The following NLRP11 variants were observed in gnomAD, a reference collection of about 807,000 sequenced individuals.
NLRP11 encodes the protein NLR family pyrin domain containing 11.
NLRP11 carries 53 observed loss-of-function variants against 79.3 expected under a neutral mutation model. The ratio of observed to expected loss-of-function variants is 0.67; its 90% CI spans 0.54 to 0.84. The LOEUF (loss-of-function observed/expected upper bound fraction) is 0.84. NLRP11 is among the 40% of genes least tolerant of loss of function. The pLI is 0.00. For synonymous variants in NLRP11, 518 were observed against 462.6 expected (o/e 1.12, Z -1.54); for missense variants, 1,264 against 1,255.0 (o/e 1.01, Z -0.11).
In NLRP11 at chr19:55,785,963, T is replaced by C. The variant is rs1989855728; in HGVS notation, c.2856-92A>G. Reference sequence around the variant, plus strand: ...GACTAATTCCCCATATGGCATCCTTTGGGTATTCTTGGGAGTATCTCAAGC... The same window carrying C: ...GACTAATTCCCCATATGGCATCCTTCGGGTATTCTTGGGAGTATCTCAAGC... On this transcript the variant is annotated intron_variant, in intron 9 of 9. Transcript: ENST00000589093. The C allele has an allele frequency of 2.2e-6, 3 of 1,338,794 alleles. No homozygotes were observed. The South Asian group carries it at 4.2e-5, about 19-fold the overall frequency. 82.9% of individuals were successfully genotyped at this position (1,338,794 alleles called of 1,614,324 possible).
At chr19:55,788,443 G>A (rs1208499882) in intron 9 of NLRP11, among the ~76,000 whole-genome samples, 1 of 148,250 alleles carries the variant, frequency 6.7e-6, no homozygotes, top group African/African-American at 2.5e-5. Flanking sequence ...TCTCAACACA[G>A]AATTTTCCCC....
intron 5 of NLRP11, chr19:55,798,218 G>T: frequency 2.1e-6 from 1 of 480,542 alleles, no homozygotes; most frequent in Non-Finnish European, 2.7e-6. Context: ...AGGCTGTCTG[G>T]AACGCCTTAC....
chr19:55,798,008 T>A (rs1444856137), intron 5 of NLRP11, among the ~76,000 whole-genome samples: 2 of 151,430 alleles, frequency 1.3e-5, no homozygotes, highest in African/African-American at 4.8e-5. Context: ...TATTTTTTTT[T>A]TTTTTGAGAT....
Position 55,808,619 on chromosome 19 carries a change from G to A in NLRP11, c.1841+150C>T, listed in dbSNP as rs546077846. The A allele has an allele frequency of 1.1e-5, 8 of 731,722 alleles. No homozygotes were observed. The South Asian group carries it at 1.3e-4, about 12-fold the overall frequency. The allele number at this position is 731,722 out of a possible 1,614,324, so 45.3% of individuals were successfully genotyped here. A position where few individuals can be genotyped will look rare whatever the true frequency, so the allele number is the denominator to read the frequency against. On this transcript the variant is annotated intron_variant, in intron 3 of 9. Transcript: ENST00000589093. ...CAAACTTTGAGTTTAAACAGAAGCAGAGAGATTTAAGTCACTGGTCTAATT... is the reference window on the plus strand; with the variant it reads ...CAAACTTTGAGTTTAAACAGAAGCAAAGAGATTTAAGTCACTGGTCTAATT...
Position 55,801,566 on chromosome 19 carries a change from A to G in NLRP11, c.2171+6T>C. The G allele has an allele frequency of 6.2e-7, 1 of 1,613,576 alleles. No individual in the cohort carries two copies. Among genetic ancestry groups the G allele is most frequent in the Non-Finnish European group, 8.5e-7 (1 of 1,179,616 alleles). On this transcript the variant is annotated splice_donor_region_variant and intron_variant, in intron 5 of 9. Transcript: ENST00000589093. ...GCACTGAGCTTTCAGCCGAGCAACA[A>G]CTCACCTCAGATGACTTATTTGGCA... is the stretch of plus-strand genomic sequence containing the variant.
At chr19:55,823,887 C>T (rs1256633209) in intron 1 of NLRP11, among the ~76,000 whole-genome samples, 14 of 142,338 alleles carry the variant, frequency 9.8e-5, no homozygotes, top group Non-Finnish European at 2.0e-4. Flanking sequence ...GGCAGGCCAA[C>T]GTTCAGATTC....
At chr19:55,789,444 A>T in intron 7 of NLRP11, 45 bp from the exon 8 acceptor site, 2 of 1,549,096 alleles carry the variant, frequency 1.3e-6, no homozygotes, top group Non-Finnish European at 1.8e-6. Context: ...ACCTGTCTCC[A>T]AAGATTTATT....
intron 5 of NLRP11, among the ~76,000 whole-genome samples, chr19:55,798,771 G>C (rs1024664424): frequency 1.3e-5 from 2 of 151,258 alleles, no homozygotes; most frequent in African/African-American, 2.4e-5. Context: ...CACACACACC[G>C]GAAAACAAAA....
In NLRP11 at chr19:55,823,694, G is replaced by A. The variant is rs1208100992; in HGVS notation, c.-62-5458C>T. Among the ~76,000 whole-genome samples the A allele has an allele frequency of 4.7e-5, 7 of 149,906 alleles. 1 individual carries two copies. Among genetic ancestry groups the A allele is most frequent in the African/African-American group, 1.5e-4 (6 of 40,168 alleles). The stretch of plus-strand genomic sequence containing the variant: ...GAAGACGAAATGAATGAAATGAAGC[G>A]AGAAGGGAAGTTTAGAGAAAAACAA... On this transcript the variant is annotated intron_variant, in intron 1 of 9. Coordinates refer to ENST00000589093, the Ensembl canonical transcript of NLRP11.
In NLRP11 at chr19:55,827,097, C is replaced by G. The variant is rs1982308609; in HGVS notation, c.-63+4866G>C. 3.5e-5 allele frequency among the ~76,000 whole-genome samples: 5 copies of G among 141,916 alleles called. 1 individual carries two copies. In the South Asian group the frequency reaches 8.9e-4, roughly 25 times the overall value. 93.1% of individuals were successfully genotyped at this position (141,916 alleles called of 152,430 possible). On this transcript the variant is annotated intron_variant, in intron 1 of 9. Coordinates refer to ENST00000589093, the Ensembl canonical transcript of NLRP11. ...GATCAATGGAACAGAACAGAGCCCTCAGAAATAATGCCGCATACCTACAAC... is the reference window on the plus strand; with the variant it reads ...GATCAATGGAACAGAACAGAGCCCTGAGAAATAATGCCGCATACCTACAAC...
intron 1 of NLRP11, among the ~76,000 whole-genome samples, chr19:55,824,433 T>G (rs982713117): frequency 2.1e-5 from 3 of 142,110 alleles, no homozygotes; most frequent in African/African-American, 8.3e-5. Flanking sequence ...TAAATGTAAA[T>G]GGACTAAATT....
chr19:55,793,821 C>T lies in NLRP11; in HGVS notation c.2343-1350G>A, dbSNP rs150952879. ...CTAGGTTTTCCTTTGTATACTAATGCGTGCTTATTTTAAATTATATGTACA... is the reference window on the plus strand; with the variant it reads ...CTAGGTTTTCCTTTGTATACTAATGTGTGCTTATTTTAAATTATATGTACA... On this transcript the variant is annotated intron_variant, in intron 6 of 9. Transcript: ENST00000589093. 1.8e-4 allele frequency among the ~76,000 whole-genome samples: 27 copies of T among 152,124 alleles called. No homozygotes were observed. In the East Asian group the frequency reaches 4.1e-3, roughly 23 times the overall value.
exon 10 of NLRP11, chr19:55,785,632 G>A: frequency 6.2e-7 from 1 of 1,612,970 alleles, no homozygotes; most frequent in Non-Finnish European, 8.5e-7. Context: ...TGATCAAAGG[G>A]GTTGCCTAGA....
chr19:55,805,718 T>C (rs1042341981), intron 4 of NLRP11, among the ~76,000 whole-genome samples: 4 of 152,060 alleles, frequency 2.6e-5, no homozygotes, highest in Non-Finnish European at 4.4e-5. Flanking sequence ...TTTTGTGTTT[T>C]TAGTAGAGAT....
chr19:55,794,628 C>T (rs992409612), intron 6 of NLRP11, among the ~76,000 whole-genome samples: 5 of 151,986 alleles, frequency 3.3e-5, no homozygotes, highest in Admixed American at 6.6e-5. Flanking sequence ...GGCGTGGTGG[C>T]GGGTGCCTGT....
intron 6 of NLRP11, among the ~76,000 whole-genome samples, chr19:55,793,053 T>A (rs757611448): frequency 6.6e-6 from 1 of 152,154 alleles, no homozygotes; most frequent in Non-Finnish European, 1.5e-5. Context: ...TTAAATAATT[T>A]TTAAAAATAG....
At chr19:55,793,516 C>T (rs368852390) in intron 6 of NLRP11, among the ~76,000 whole-genome samples, 86 of 126,340 alleles carry the variant, frequency 6.8e-4, no homozygotes, top group African/African-American at 2.2e-3. Flanking sequence ...TGAAGTGAGC[C>T]GAGATTGCAC....
chr19:55,822,727 T>G (rs371251771), intron 1 of NLRP11, among the ~76,000 whole-genome samples: 1 of 152,018 alleles, frequency 6.6e-6, no homozygotes, highest in Non-Finnish European at 1.5e-5. Flanking sequence ...CGGCGCACCA[T>G]GAGACTATAT....
chr19:55,830,584 G>C (rs1410013890), intron 1 of NLRP11, among the ~76,000 whole-genome samples: 1 of 130,532 alleles, frequency 7.7e-6, no homozygotes, highest in Admixed American at 9.0e-5. Flanking sequence ...CCTAGTGATG[G>C]CTTCTTAGCT....
Sources: allele counts gnomAD v4.1 joint callset (sites outside exome capture counted in the v4.1 genomes callset), GRCh38; gene constraint gnomAD v4.1.1; transcripts MANE v1.5; gene names NCBI Gene and HGNC (gene_info 2026-07-23, HGNC 2026-07-21).